STX16: variants seen among roughly 807,000 people sequenced by gnomAD.
The protein encoded by STX16 is syntaxin-16.
STX16 carries 28 observed loss-of-function variants against 42.7 expected under a neutral mutation model. That is an observed-to-expected ratio of 0.66 (90% CI 0.49 to 0.90). STX16 has a LOEUF of 0.90. Among genes scored for constraint, STX16 ranks in the 40% least tolerant of loss-of-function variants. The pLI, the probability that STX16 is intolerant of heterozygous loss-of-function variation, is 0.00. For synonymous variants in STX16, 156 were observed against 155.2 expected (o/e 1.00, Z -0.04); for missense variants, 361 against 420.9 (o/e 0.86, Z 1.24).
chr20:58,678,075 C>T lies in STX16; in HGVS notation c.*1784C>T, dbSNP rs1431997725. The T allele has an allele frequency of 1.3e-5, 2 of 152,216 alleles. No homozygotes were observed. The highest frequency in any genetic ancestry group is 4.8e-5 in the African/African-American group (2 of 41,450). 9.4% of individuals were successfully genotyped at this position (152,216 alleles called of 1,614,324 possible). On this transcript the variant is annotated 3_prime_UTR_variant, in exon 9 of 9. Transcript: ENST00000371141. The stretch of plus-strand genomic sequence containing the variant: ...AGTCACTGCAGGTGTTCTTTCATCC[C>T]ATCTGATTTTAACCCATGGTTGAGA...
intron 8 of STX16, among the ~76,000 whole-genome samples, chr20:58,675,375 C>T (rs1433433643): frequency 6.6e-6 from 1 of 152,236 alleles, no homozygotes; most frequent in East Asian, 1.9e-4. Flanking sequence ...CTGGACGTGC[C>T]TCCCGGCGCC....
At chr20:58,653,810 A>G (rs1215068539) in intron 1 of STX16, among the ~76,000 whole-genome samples, 1 of 151,932 alleles carries the variant, frequency 6.6e-6, no homozygotes, top group African/African-American at 2.4e-5. Flanking sequence ...TTCAATTTTT[A>G]ATCATTAAGG....
rs894166265 is a variant in STX16 at position 58,677,435 on chromosome 20, G to A, written c.*1144G>A. Reference sequence around the variant, plus strand: ...GGGCATCTTGACTAGGAAGCTCCTCGTTTGTGTGAGCGTGGGTCAGACCGC... The same window carrying A: ...GGGCATCTTGACTAGGAAGCTCCTCATTTGTGTGAGCGTGGGTCAGACCGC... On this transcript the variant is annotated 3_prime_UTR_variant, in exon 9 of 9. Transcript: ENST00000371141. The A allele has an allele frequency of 6.6e-6, 1 of 152,538 alleles. No individual in the cohort carries two copies. Among genetic ancestry groups the A allele is most frequent in the Non-Finnish European group, 1.5e-5 (1 of 68,038 alleles). The allele number at this position is 152,538 out of a possible 1,614,324, so 9.4% of individuals were successfully genotyped here.
At position 58,671,153 on chromosome 20, in the gene STX16, G is replaced by A. The variant is rs1331505258; in HGVS notation, c.649-1G>A. The A allele has an allele frequency of 1.9e-6, 3 of 1,613,274 alleles. No homozygotes were observed. The highest frequency in any genetic ancestry group is 2.5e-6 in the Non-Finnish European group (3 of 1,179,570). On this transcript the variant is annotated splice_acceptor_variant, in intron 6 of 8. Transcript: ENST00000371141. LOFTEE classifies it high-confidence loss of function. ...CAACACATTGTGCACTGTCTTGCTA[G>A]GGTTTTACAGAGGACCAGTTAGTTC...
At position 58,676,955 on chromosome 20, in the gene STX16, T is replaced by C. The variant is rs936326412; in HGVS notation, c.*664T>C. The C allele has an allele frequency of 1.0e-4, 16 of 152,688 alleles. 1 individual carries two copies. Among genetic ancestry groups the C allele is most frequent in the African/African-American group, 3.9e-4 (16 of 41,472 alleles). 9.5% of individuals were successfully genotyped at this position (152,688 alleles called of 1,614,324 possible). A position where few individuals can be genotyped will look rare whatever the true frequency, so the allele number is the denominator to read the frequency against. ...AGATGGGCCAGTTAAAACAGCTTCATAAGTTTTAAATTAATTGTAAATGGA... is the reference window on the plus strand; with the variant it reads ...AGATGGGCCAGTTAAAACAGCTTCACAAGTTTTAAATTAATTGTAAATGGA... On this transcript the variant is annotated 3_prime_UTR_variant, in exon 9 of 9. Transcript: ENST00000371141.
Position 58,671,155 on chromosome 20 carries a change from G to A in STX16, c.650G>A (p.Gly217Asp), listed in dbSNP as rs1205843573. 6.2e-7 allele frequency: 1 copy of A among 1,613,674 alleles called. No individual in the cohort carries two copies. The highest frequency in any genetic ancestry group is 8.5e-7 in the Non-Finnish European group (1 of 1,179,708). The change falls in exon 7 of 9, where the codon GGT becomes GAT. Residue 217 changes from glycine to aspartate, a missense_variant and splice_region_variant. Physicochemically the swap from Gly to Asp is moderately conservative, Grantham distance 94. Coordinates refer to ENST00000371141, the MANE Select transcript of STX16 (RefSeq NM_001001433.3). ...ACACATTGTGCACTGTCTTGCTAGGGTTTTACAGAGGACCAGTTAGTTCTG... is the reference window on the plus strand; with the variant it reads ...ACACATTGTGCACTGTCTTGCTAGGATTTTACAGAGGACCAGTTAGTTCTG... ...DGDDNTLYHR[G>D]FTEDQLVLVE... is the part of the protein sequence containing the mutation.
chr20:58,667,528 C>T lies in STX16; in HGVS notation c.183C>T (p.Ser61=). 1.2e-6 allele frequency: 2 copies of T among 1,614,142 alleles called. No individual in the cohort carries two copies. The highest frequency in any genetic ancestry group is 1.7e-6 in the Non-Finnish European group (2 of 1,180,034). ...GTATGGCACTGGTGTCAGGCATCAG[C>T]TTAGATCCAGAAGCAGCGATTGGTG... The part of the protein sequence containing the change: ...DDRMALVSGI[S]LDPEAAIGVT... The change falls in exon 3 of 9, where the codon AGC becomes AGT. Residue 61 remains serine, a synonymous_variant. Coordinates refer to ENST00000371141, the MANE Select transcript of STX16 (RefSeq NM_001001433.3).
rs1285207684 is a variant in STX16, at chr20:58,671,476, A to G, written c.792+179A>G. On this transcript the variant is annotated intron_variant, in intron 7 of 8. Coordinates refer to ENST00000371141, the MANE Select transcript of STX16 (RefSeq NM_001001433.3). The stretch of plus-strand genomic sequence containing the variant: ...TGTGTGTGTGTGTGTGTGTGTGTAT[A>G]TTAATATTAATCAAATATTAAATTT... 1.8e-4 allele frequency among the ~76,000 whole-genome samples: 17 copies of G among 96,372 alleles called. No individual in the cohort carries two copies. The South Asian group carries it at 4.1e-3, about 23-fold the overall frequency. The allele number at this position is 96,372 out of a possible 152,430, so 63.2% of individuals were successfully genotyped here. A position where few individuals can be genotyped will look rare whatever the true frequency, so the allele number is the denominator to read the frequency against.
intron 8 of STX16, among the ~76,000 whole-genome samples, chr20:58,675,904 A>C (rs1343561413): frequency 6.6e-6 from 1 of 152,234 alleles, no homozygotes; most frequent in Non-Finnish European, 1.5e-5. Flanking sequence ...TGCACCCGGA[A>C]GCATGAGCTT....
At chr20:58,673,765 G>T in intron 8 of STX16, 54 bp downstream of exon 8, 1 of 1,303,076 alleles carries the variant, frequency 7.7e-7, no homozygotes, top group South Asian at 1.2e-5. Flanking sequence ...AAATAATCAA[G>T]AATTGGTAAG....
intron 2 of STX16, 101 bp downstream of exon 2, chr20:58,659,735 T>C (rs1414038542): frequency 8.0e-7 from 1 of 1,242,922 alleles, no homozygotes; most frequent in African/African-American, 1.5e-5. Flanking sequence ...TAACAGCTTA[T>C]ACATATTTAG....
intron 7 of STX16, among the ~76,000 whole-genome samples, chr20:58,671,630 G>C (rs1442520807): frequency 6.6e-6 from 1 of 152,076 alleles, no homozygotes; most frequent in African/African-American, 2.4e-5. Context: ...TGGAATGTTG[G>C]AACCCTGGCT....
intron 1 of STX16, among the ~76,000 whole-genome samples, chr20:58,655,611 G>A (rs749457268): frequency 3.3e-5 from 5 of 152,170 alleles, no homozygotes; most frequent in Non-Finnish European, 7.3e-5. Context: ...GAAAATGCCA[G>A]CAGCTCCATG....
chr20:58,652,368 A>T (rs1568808783), intron 1 of STX16: 24 of 592,022 alleles, frequency 4.1e-5, no homozygotes, highest in Non-Finnish European at 3.0e-6. Context: ...TCACTTCCGC[A>T]GCACCCCCCC....
chr20:58,674,362 C>T (rs764348798), intron 8 of STX16, among the ~76,000 whole-genome samples: 9 of 152,142 alleles, frequency 5.9e-5, no homozygotes, highest in Non-Finnish European at 1.0e-4. Context: ...CATGCATAAA[C>T]GGCTGAGACT....
chr20:58,675,481 T>G (rs2084089373), intron 8 of STX16, among the ~76,000 whole-genome samples: 1 of 152,174 alleles, frequency 6.6e-6, no homozygotes, highest in Non-Finnish European at 1.5e-5. Context: ...GCAGGCATGA[T>G]GGAGTTCCCG....
In STX16 at chr20:58,667,138, A is replaced by G. The variant is rs533367232; in HGVS notation, c.145-352A>G. On this transcript the variant is annotated intron_variant, in intron 2 of 8. Transcript: ENST00000371141. ...GAGGTTCATGCCGTTCTATCACAGT[A>G]CTAGTAGTAAGAGGTCTTTATTTTA... 8.5e-5 allele frequency: 32 copies of G among 378,122 alleles called. No homozygotes were observed. In the East Asian group the frequency reaches 2.1e-3, roughly 25 times the overall value. The allele number at this position is 378,122 out of a possible 1,614,324, so 23.4% of individuals were successfully genotyped here.
chr20:58,669,569 A>G (rs2083922545), intron 5 of STX16, 116 bp downstream of exon 5: 5 of 1,255,908 alleles, frequency 4.0e-6, no homozygotes, highest in Non-Finnish European at 5.4e-6. Flanking sequence ...GCTTTTGAAC[A>G]TGCTCATACC....
At chr20:58,675,312 C>G (rs946763531) in intron 8 of STX16, among the ~76,000 whole-genome samples, 1 of 152,208 alleles carries the variant, frequency 6.6e-6, no homozygotes, top group Non-Finnish European at 1.5e-5. Flanking sequence ...CCCGCTGTCT[C>G]CTCCTCCCTC....
Sources: gnomAD v4.1 joint callset for allele counts (sites outside exome capture counted in the v4.1 genomes callset) on GRCh38, gnomAD v4.1.1 for gene constraint, MANE v1.5 for transcripts, NCBI Gene and HGNC (gene_info 2026-07-23, HGNC 2026-07-21) for gene names.